The following EIF2B1 variants were observed in gnomAD, a reference collection of about 807,000 sequenced individuals.
The protein encoded by EIF2B1 is eukaryotic translation initiation factor 2B subunit alpha.
Under a neutral mutation model 36.8 loss-of-function variants are expected in EIF2B1, and 30 were observed. The ratio of observed to expected loss-of-function variants is 0.81; its 90% CI spans 0.61 to 1.10. The LOEUF (loss-of-function observed/expected upper bound fraction) is 1.10, where lower values mean the gene tolerates loss of function less well. EIF2B1 is among the 50% of genes least tolerant of loss of function. The probability of loss-of-function intolerance (pLI) is 0.00; values close to 1 mark genes in which losing one functional copy is unlikely to be tolerated. For missense variants in EIF2B1, 271 were observed against 374.8 expected, an observed-to-expected ratio of 0.72 and a Z score of 2.29; for synonymous variants, 139 against 142.2, an observed-to-expected ratio of 0.98 and a Z score of 0.16.
At chr12:123,621,950 C>A in intron 8 of EIF2B1, 30 bp from the exon 9 acceptor site, 1 of 1,612,760 alleles carries the variant, frequency 6.2e-7, no homozygotes, top group Non-Finnish European at 8.5e-7. Context: ...TTAGTCGGCA[C>A]TGAATATTTA....
intron 8 of EIF2B1, 108 bp downstream of exon 8, chr12:123,622,528 G>A: frequency 6.9e-7 from 1 of 1,459,544 alleles, no homozygotes. Context: ...AAGTGTTGGG[G>A]AAAGTAGCAA....
intron 4 of EIF2B1, among the ~76,000 whole-genome samples, chr12:123,629,285 C>T (rs903872796): frequency 1.3e-5 from 2 of 152,158 alleles, no homozygotes; most frequent in African/African-American, 4.8e-5. Context: ...ACTTGCACCT[C>T]CTGTCTTTCC....
intron 7 of EIF2B1, among the ~76,000 whole-genome samples, chr12:123,624,393 G>C (rs1271657508): frequency 6.6e-6 from 1 of 151,620 alleles, no homozygotes; most frequent in Non-Finnish European, 1.5e-5. Flanking sequence ...TGGGCAGCTG[G>C]AACTACAGGC....
chr12:123,631,487 A>G (rs61611881), intron 2 of EIF2B1, among the ~76,000 whole-genome samples: 1,611 of 152,164 alleles, frequency 0.011, 27 homozygotes, highest in African/African-American at 0.036. Flanking sequence ...ACTGTGGCCA[A>G]CATGGTGAAA....
chr12:123,632,831 A>G (rs1428456938), intron 1 of EIF2B1, among the ~76,000 whole-genome samples: 2 of 150,654 alleles, frequency 1.3e-5, no homozygotes, highest in Non-Finnish European at 3.0e-5. Flanking sequence ...CTGTAGTCCC[A>G]GCTACTTGGG....
At chr12:123,624,913 A>G in intron 6 of EIF2B1, 51 bp from the exon 7 acceptor site, 1 of 1,474,800 alleles carries the variant, frequency 6.8e-7, no homozygotes, top group Non-Finnish European at 9.5e-7. Context: ...TCTAACGAGT[A>G]GCATCATCAT....
rs1474007747 is a variant in EIF2B1, at chr12:123,621,511, A to ACTT, written c.*244_*245insAAG. ...AATTATCTAACTTGTATTTCTGGAA[A>ACTT]CTGAAAAGGAAAGTTTCTAGAAACC... On this transcript the variant is annotated 3_prime_UTR_variant, in exon 9 of 9. Coordinates refer to ENST00000424014, the MANE Select transcript of EIF2B1 (RefSeq NM_001414.4). 5.7e-6 allele frequency: 3 copies of ACTT among 528,810 alleles called. No individual in the cohort carries two copies. Among genetic ancestry groups the ACTT allele is most frequent in the Non-Finnish European group, 1.0e-5 (3 of 295,784 alleles). The allele number at this position is 528,810 out of a possible 1,614,324, so 32.8% of individuals were successfully genotyped here. A position where few individuals can be genotyped will look rare whatever the true frequency, so the allele number is the denominator to read the frequency against.
chr12:123,622,265 C>T (rs1316127881), intron 8 of EIF2B1, among the ~76,000 whole-genome samples: 1 of 152,202 alleles, frequency 6.6e-6, no homozygotes, highest in African/African-American at 2.4e-5. Flanking sequence ...CCTCATGACC[C>T]TGTCAGATAC....
chr12:123,626,215 C>T, intron 6 of EIF2B1: 1 of 598,256 alleles, frequency 1.7e-6, no homozygotes, highest in Non-Finnish European at 3.0e-6. Context: ...ACACAACTCC[C>T]ACTCTCCCCA....
chr12:123,632,276 AAAAAAAAAAG>A, intron 2 of EIF2B1, 59 bp downstream of exon 2: 2 of 1,090,524 alleles, frequency 1.8e-6, no homozygotes, highest in Non-Finnish European at 2.7e-6. Flanking sequence ...TCTTTAAAAA[AAAAAAAAAAG>A]AAAAGAAAAA....
Position 123,627,100 on chromosome 12 carries a change from C to T in EIF2B1, c.426G>A (p.Val142=), listed in dbSNP as rs1237640530. 1.2e-6 allele frequency: 2 copies of T among 1,614,078 alleles called. No homozygotes were observed. The highest frequency in any genetic ancestry group is 4.5e-5 in the East Asian group (2 of 44,904). Residue 142 remains valine (V), a synonymous_variant, in exon 5 of 9, where the codon GTG becomes GTA. Transcript: ENST00000424014. ...RVVLRVLEAA[V]AAKKRFSVYV... Reference sequence around the variant, plus strand: ...ATACACTAAATCGCTTCTTGGCCGCCACGGCTGCTTCCAGGACTCTCAGGA... The same window carrying T: ...ATACACTAAATCGCTTCTTGGCCGCTACGGCTGCTTCCAGGACTCTCAGGA...
Position 123,632,545 on chromosome 12 carries a change from A to T in EIF2B1, c.14-99T>A, listed in dbSNP as rs1229080917. ...GTTGACTTTAAGAAGCAAACAATTT[A>T]AAAAATACTTTCTTTTTAGGGTATT... On this transcript the variant is annotated intron_variant, in intron 1 of 8. Coordinates refer to ENST00000424014, the MANE Select transcript of EIF2B1 (RefSeq NM_001414.4). 11 of 839,438 alleles carry T rather than the reference A, an allele frequency of 1.3e-5. No individual in the cohort carries two copies. The East Asian group carries it at 2.7e-4, about 21-fold the overall frequency. 52.0% of individuals were successfully genotyped at this position (839,438 alleles called of 1,614,324 possible). A position where few individuals can be genotyped will look rare whatever the true frequency, so the allele number is the denominator to read the frequency against.
At chr12:123,624,256 C>CT (rs11289720) in intron 7 of EIF2B1, among the ~76,000 whole-genome samples, 28,329 of 129,032 alleles carry the variant, frequency 0.22, 3,554 homozygotes, top group Middle Eastern at 0.29. Flanking sequence ...ATAAATTACA[C>CT]TTTTTTTTTT....
At position 123,630,099 on chromosome 12, in the gene EIF2B1, G is replaced by T. The variant is rs865958824; in HGVS notation, c.369+70C>A. On this transcript the variant is annotated intron_variant, in intron 4 of 8. Transcript: ENST00000424014. The surrounding 1 kb of genome is among the most constrained non-coding windows in gnomAD (Gnocchi z 4.6). ...CCACAGCAAGTGAGTGGCAGAGCCC[G>T]GATTTTACCCCAGGCAGTCGGACTC... is the stretch of plus-strand genomic sequence containing the variant. 4 of 1,392,640 alleles carry T rather than the reference G, an allele frequency of 2.9e-6. No individual in the cohort carries two copies. In the African/African-American group the frequency reaches 4.3e-5, roughly 15 times the overall value. The allele number at this position is 1,392,640 out of a possible 1,614,324, so 86.3% of individuals were successfully genotyped here. A position where few individuals can be genotyped will look rare whatever the true frequency, so the allele number is the denominator to read the frequency against.
intron 6 of EIF2B1, 128 bp from the exon 7 acceptor site, chr12:123,624,990 G>A: frequency 1.2e-6 from 1 of 840,048 alleles, no homozygotes; most frequent in Non-Finnish European, 2.0e-6. Flanking sequence ...TTTTTTTAAA[G>A]CGCACTTAAC....
rs577025603 is a variant in EIF2B1, at chr12:123,621,801, C to T, written c.873G>A (p.Leu291=). The T allele has an allele frequency of 1.9e-5, 30 of 1,613,954 alleles. No individual in the cohort carries two copies. In the South Asian group the frequency reaches 2.7e-4, roughly 15 times the overall value. The change falls in exon 9 of 9, where the codon CTG becomes CTA. Residue 291 remains leucine, a synonymous_variant. Coordinates refer to ENST00000424014, the MANE Select transcript of EIF2B1 (RefSeq NM_001414.4). The stretch of plus-strand genomic sequence containing the variant: ...GCTCATCGCTGACTGCTGAGGGTGT[C>T]AGCACGCCCAGGTCTGTAAACAGCA... ...ITLLFTDLGV[L]TPSAVSDELI...
rs1158652615 is a variant in EIF2B1 at position 123,620,551 on chromosome 12, G to A, written c.*1205C>T. ...AATAATAGATGTCAGTATTTATCAT[G>A]ATGGGTCACATATAGACATATGTAC... On this transcript the variant is annotated 3_prime_UTR_variant, in exon 9 of 9. Coordinates refer to ENST00000424014, the MANE Select transcript of EIF2B1 (RefSeq NM_001414.4). 3 of 132,088 alleles carry A rather than the reference G, an allele frequency of 2.3e-5. No homozygotes were observed. The highest frequency in any genetic ancestry group is 8.5e-5 in the African/African-American group (3 of 35,170). 8.2% of individuals were successfully genotyped at this position (132,088 alleles called of 1,614,324 possible).
chr12:123,631,806 CAAA>C (rs36090968), intron 2 of EIF2B1, among the ~76,000 whole-genome samples: 4 of 128,240 alleles, frequency 3.1e-5, no homozygotes, highest in African/African-American at 5.6e-5. Context: ...GACTCCGTCT[CAAA>C]AAAAAAAAAA....
intron 1 of EIF2B1, among the ~76,000 whole-genome samples, chr12:123,632,818 C>T (rs371486251): frequency 5.3e-5 from 8 of 150,952 alleles, no homozygotes; most frequent in South Asian, 4.2e-4. Context: ...TAGTGGCGGG[C>T]GCCTGTAGTC....
Sources: allele counts gnomAD v4.1 joint callset (sites outside exome capture counted in the v4.1 genomes callset), GRCh38; gene constraint gnomAD v4.1.1; non-coding constraint Gnocchi (gnomAD v3.1); transcripts MANE v1.5; gene names NCBI Gene and HGNC (gene_info 2026-07-23, HGNC 2026-07-21).